KCNK13: variants seen among roughly 807,000 people sequenced by gnomAD.
KCNK13 encodes the protein potassium channel subfamily K member 13.
In KCNK13, 12 loss-of-function variants were observed where a neutral mutation model predicts 23.4. That is an observed-to-expected ratio of 0.51 (90% confidence interval 0.33 to 0.83). The LOEUF (loss-of-function observed/expected upper bound fraction) is 0.83, where lower values mean the gene tolerates loss of function less well. Ranked by LOEUF, KCNK13 falls within the 40% of genes least tolerant of loss-of-function variation. KCNK13 has a pLI of 0.02. For missense variants in KCNK13, 463 were observed against 556.3 expected (o/e 0.83, Z 1.69); for synonymous variants, 231 against 229.5 (o/e 1.01, Z -0.06).
At chr14:90,087,166 T>TTTTTTTA (rs1353467304) in intron 1 of KCNK13, among the ~76,000 whole-genome samples, 2 of 142,908 alleles carry the variant, frequency 1.4e-5, no homozygotes, top group Non-Finnish European at 3.0e-5. Context: ...TTTTTTTTTT[T>TTTTTTTA]ATTGAGATGG....
At chr14:90,098,028 C>T (rs933712862) in intron 1 of KCNK13, among the ~76,000 whole-genome samples, 1 of 152,142 alleles carries the variant, frequency 6.6e-6, no homozygotes, top group African/African-American at 2.4e-5. Flanking sequence ...AGAAACTTCC[C>T]TCCTGGGGCG....
At chr14:90,103,260 C>G (rs945008) in intron 1 of KCNK13, among the ~76,000 whole-genome samples, 8 of 151,992 alleles carry the variant, frequency 5.3e-5, no homozygotes, top group Non-Finnish European at 1.2e-4. Flanking sequence ...GTGCATTTAT[C>G]TCTTTTGAAA....
Position 90,066,672 on chromosome 14 carries a change from A to G in KCNK13, c.334+4133A>G, listed in dbSNP as rs114125615. On this transcript the variant is annotated intron_variant, in intron 1 of 1. Coordinates refer to ENST00000282146, the MANE Select transcript of KCNK13 (RefSeq NM_022054.4). Reference sequence around the variant, plus strand: ...AAACAATATTTTCCTGGAAAATGCTATTGAGGATTTCATGTAGCTGTGATC... The same window carrying G: ...AAACAATATTTTCCTGGAAAATGCTGTTGAGGATTTCATGTAGCTGTGATC... Among the ~76,000 whole-genome samples, 629 of 152,316 alleles carry G rather than the reference A, an allele frequency of 4.1e-3. 9 individuals are homozygous for G. The highest frequency in any genetic ancestry group is 0.015 in the African/African-American group (615 of 41,558).
At chr14:90,115,168 G>T (rs1889661327) in intron 1 of KCNK13, among the ~76,000 whole-genome samples, 1 of 150,472 alleles carries the variant, frequency 6.6e-6, no homozygotes, top group Non-Finnish European at 1.5e-5. Flanking sequence ...GGACTTTTGG[G>T]GTTTCGTTGT....
chr14:90,173,339 G>A lies in KCNK13; in HGVS notation c.335-10772G>A, dbSNP rs141305186. Among the ~76,000 whole-genome samples the A allele has an allele frequency of 9.1e-3, 1,378 of 152,154 alleles. 30 individuals carry two copies. Among genetic ancestry groups the A allele is most frequent in the African/African-American group, 0.03 (1,240 of 41,506 alleles). ...ACCACTGCACTCCAGCCTGCGTGACGGAGTGAGACCCCACCTCTAAAAATT... is the reference window on the plus strand; with the variant it reads ...ACCACTGCACTCCAGCCTGCGTGACAGAGTGAGACCCCACCTCTAAAAATT... On this transcript the variant is annotated intron_variant, in intron 1 of 1. Coordinates refer to ENST00000282146, the MANE Select transcript of KCNK13 (RefSeq NM_022054.4).
intron 1 of KCNK13, among the ~76,000 whole-genome samples, chr14:90,092,762 A>C (rs914131120): frequency 2.8e-4 from 43 of 151,854 alleles, no homozygotes; most frequent in African/African-American, 9.7e-4. Context: ...AAAACTAAAA[A>C]ATTAGCTGGG....
At chr14:90,071,711 A>G (rs1382086848) in intron 1 of KCNK13, among the ~76,000 whole-genome samples, 4 of 152,220 alleles carry the variant, frequency 2.6e-5, no homozygotes, top group Admixed American at 2.0e-4. Context: ...ATTGTGGCCA[A>G]CATGGTGAAA....
At chr14:90,128,189 T>A (rs1889825172) in intron 1 of KCNK13, among the ~76,000 whole-genome samples, 1 of 152,220 alleles carries the variant, frequency 6.6e-6, no homozygotes, top group East Asian at 1.9e-4. Flanking sequence ...AACATTTAAG[T>A]ACTTTGTGTA....
Position 90,184,946 on chromosome 14 carries a change from G to A in KCNK13, c.1170G>A (p.Gly390=), listed in dbSNP as rs749642093. Residue 390 remains glycine, a synonymous_variant, in exon 2 of 2, where the codon GGG becomes GGA. Coordinates refer to ENST00000282146, the MANE Select transcript of KCNK13 (RefSeq NM_022054.4). This position sits in a 1 kb window ranked among gnomAD's most constrained non-coding sequence, Gnocchi z 5.6. ...CCCGGGACAATGAATTCTCAGGGGG[G>A]GTGGGAGCCTTTGCAATCATGAACA... ...TLARDNEFSG[G]VGAFAIMNNR... 1.9e-6 allele frequency: 3 copies of A among 1,611,736 alleles called. No homozygotes were observed. Among genetic ancestry groups the A allele is most frequent in the Admixed American group, 3.3e-5 (2 of 59,846 alleles).
chr14:90,119,917 C>T (rs1460293875), intron 1 of KCNK13, among the ~76,000 whole-genome samples: 2 of 152,054 alleles, frequency 1.3e-5, no homozygotes, highest in African/African-American at 4.8e-5. Context: ...TATTTTTTAA[C>T]TTAAAAAAAA....
rs193130894 is a variant in KCNK13 at position 90,182,991 on chromosome 14, G to A, written c.335-1120G>A. Among the ~76,000 whole-genome samples, 41 of 152,246 alleles carry A rather than the reference G, an allele frequency of 2.7e-4. No individual in the cohort carries two copies. In the East Asian group the frequency reaches 7.7e-3, roughly 29 times the overall value. ...CCTTCTCATGTTTACTGAATCATTT[G>A]CTTGGAAAGAACCCTCATCCCTCTG... On this transcript the variant is annotated intron_variant, in intron 1 of 1. Coordinates refer to ENST00000282146, the MANE Select transcript of KCNK13 (RefSeq NM_022054.4).
At chr14:90,075,405 A>G (rs889030098) in intron 1 of KCNK13, among the ~76,000 whole-genome samples, 1 of 152,134 alleles carries the variant, frequency 6.6e-6, no homozygotes, top group Non-Finnish European at 1.5e-5. Flanking sequence ...ACATTTTTAC[A>G]TCTTGGAATC....
At chr14:90,132,660 A>G (rs998015759) in intron 1 of KCNK13, among the ~76,000 whole-genome samples, 1 of 152,142 alleles carries the variant, frequency 6.6e-6, no homozygotes, top group African/African-American at 2.4e-5. Context: ...GATGGAGGAA[A>G]TGAGGTCTGC....
chr14:90,074,782 T>C (rs890121684), intron 1 of KCNK13, among the ~76,000 whole-genome samples: 1 of 152,342 alleles, frequency 6.6e-6, no homozygotes, highest in Middle Eastern at 3.4e-3. Context: ...TGGCATTTCA[T>C]TGTATGTTTA....
chr14:90,156,880 A>G (rs1890200787), intron 1 of KCNK13, among the ~76,000 whole-genome samples: 1 of 152,090 alleles, frequency 6.6e-6, no homozygotes, highest in Admixed American at 6.6e-5. Flanking sequence ...CCCTGACAAT[A>G]TATGTCTCAA....
intron 1 of KCNK13, among the ~76,000 whole-genome samples, chr14:90,113,429 A>G (rs1025369915): frequency 6.6e-6 from 1 of 152,242 alleles, no homozygotes; most frequent in Non-Finnish European, 1.5e-5. Context: ...TGAATCAAAT[A>G]GAGTGTCTGA....
chr14:90,174,021 T>A (rs773048473), intron 1 of KCNK13, among the ~76,000 whole-genome samples: 27 of 151,842 alleles, frequency 1.8e-4, no homozygotes, highest in Non-Finnish European at 3.7e-4. Flanking sequence ...AACTGTCAGA[T>A]CTCGGCCAGG....
intron 1 of KCNK13, among the ~76,000 whole-genome samples, chr14:90,178,666 A>T (rs1216539160): frequency 6.6e-6 from 1 of 152,156 alleles, no homozygotes; most frequent in East Asian, 1.9e-4. Flanking sequence ...TAAAAATGAA[A>T]AATAAAAATA....
At chr14:90,160,549 A>T (rs886438756) in intron 1 of KCNK13, among the ~76,000 whole-genome samples, 8 of 151,880 alleles carry the variant, frequency 5.3e-5, no homozygotes, top group African/African-American at 1.9e-4. Context: ...GGAAATGTTA[A>T]TTTTTTTTCT....
Sources: allele counts gnomAD v4.1 joint callset (sites outside exome capture counted in the v4.1 genomes callset), GRCh38; gene constraint gnomAD v4.1.1; non-coding constraint Gnocchi (gnomAD v3.1); transcripts MANE v1.5; gene names NCBI Gene and HGNC (gene_info 2026-07-23, HGNC 2026-07-21).